The following PAWR variants were observed in gnomAD, a reference collection of about 807,000 sequenced individuals.
The protein encoded by PAWR is PRKC apoptosis WT1 regulator protein.
PAWR carries 23 observed loss-of-function variants against 32.0 expected under a neutral mutation model. That is an observed-to-expected ratio of 0.72 (90% CI 0.52 to 1.02). The LOEUF is 1.02. Ranked by LOEUF, PAWR falls within the 50% of genes least tolerant of loss-of-function variation. The pLI is 0.00. For synonymous variants in PAWR, 226 were observed against 187.1 expected, an observed-to-expected ratio of 1.21 and a Z score of -1.70; for missense variants, 457 against 437.7, an observed-to-expected ratio of 1.04 and a Z score of -0.39.
At chr12:79,644,187 AC>A (rs1156290258) in intron 2 of PAWR, among the ~76,000 whole-genome samples, 1 of 152,160 alleles carries the variant, frequency 6.6e-6, no homozygotes, top group African/African-American at 2.4e-5. Context: ...TTTTAAAAGG[AC>A]CCAAAGTTCT....
chr12:79,655,827 G>T (rs1480657257), intron 2 of PAWR, among the ~76,000 whole-genome samples: 3 of 152,170 alleles, frequency 2.0e-5, no homozygotes, highest in African/African-American at 4.8e-5. Context: ...AACTGTTTTA[G>T]ACAAAGTCAA....
chr12:79,601,477 G>A (rs1014291666), intron 4 of PAWR, among the ~76,000 whole-genome samples: 3 of 152,036 alleles, frequency 2.0e-5, no homozygotes, highest in Non-Finnish European at 4.4e-5. Context: ...AGTGCTTGGA[G>A]TAGAAGTCTG....
intron 2 of PAWR, among the ~76,000 whole-genome samples, chr12:79,650,893 G>C (rs1268409827): frequency 6.6e-6 from 1 of 152,054 alleles, no homozygotes; most frequent in African/African-American, 2.4e-5. Context: ...CCTTTATACT[G>C]CGTGCTTTCA....
chr12:79,604,219 T>G, intron 4 of PAWR: 7 of 981,154 alleles, frequency 7.1e-6, no homozygotes, highest in Non-Finnish European at 8.5e-6. Flanking sequence ...AACATAAATC[T>G]CTAATACGAT....
chr12:79,607,866 A>G (rs1216891869), intron 4 of PAWR, among the ~76,000 whole-genome samples: 1 of 152,072 alleles, frequency 6.6e-6, no homozygotes, highest in Non-Finnish European at 1.5e-5. Context: ...AACAATGATC[A>G]TGGTGAAACC....
intron 2 of PAWR, among the ~76,000 whole-genome samples, chr12:79,672,627 T>A (rs984166282): frequency 1.3e-5 from 2 of 151,876 alleles, no homozygotes; most frequent in African/African-American, 4.8e-5. Flanking sequence ...CCCTGTTTTA[T>A]CCTCTCCAAG....
intron 2 of PAWR, among the ~76,000 whole-genome samples, chr12:79,625,752 A>G (rs1875268374): frequency 1.3e-5 from 2 of 150,820 alleles, no homozygotes; most frequent in Admixed American, 6.6e-5. Context: ...CGCGGGAGGC[A>G]GAGCTTGCAG....
In PAWR at chr12:79,632,341, ATATATATATATATATATATAT is replaced by A. The variant is rs1566011046; in HGVS notation, c.517-11155_517-11135del. Among the ~76,000 whole-genome samples the A allele has an allele frequency of 1.1e-3, 64 of 57,004 alleles. 7 individuals carry two copies. In the African/African-American group the frequency reaches 0.022, roughly 19 times the overall value. 37.4% of individuals were successfully genotyped at this position (57,004 alleles called of 152,430 possible). A position where few individuals can be genotyped will look rare whatever the true frequency, so the allele number is the denominator to read the frequency against. On this transcript the variant is annotated intron_variant, in intron 2 of 6. Transcript: ENST00000328827. Reference sequence around the variant, plus strand: ...TATATATATATATATATATATATATATATATATATATATATATATATTTTTTTTTTTTTTTAGACAGGGTCT... The same window carrying A: ...TATATATATATATATATATATATATATTTTTTTTTTTTTTAGACAGGGTCT...
intron 3 of PAWR, among the ~76,000 whole-genome samples, chr12:79,617,346 C>T (rs910598616): frequency 3.9e-5 from 6 of 151,924 alleles, no homozygotes; most frequent in Non-Finnish European, 8.8e-5. Context: ...AGCAAGACTC[C>T]GTCTCAAAAA....
chr12:79,641,614 C>A (rs1035718372), intron 2 of PAWR, among the ~76,000 whole-genome samples: 1 of 151,752 alleles, frequency 6.6e-6, no homozygotes, highest in Non-Finnish European at 1.5e-5. Context: ...TATGGGAGGC[C>A]GAGGTGGGCG....
intron 2 of PAWR, among the ~76,000 whole-genome samples, chr12:79,643,220 G>A (rs1876414538): frequency 6.6e-6 from 1 of 152,104 alleles, no homozygotes. Flanking sequence ...AAAGAAGGTA[G>A]GGAGGAAGGA....
At position 79,591,351 on chromosome 12, in the gene PAWR, T is replaced by C. The variant is rs1266249876; in HGVS notation, c.*1256A>G. 1 of 152,202 alleles carries C rather than the reference T, an allele frequency of 6.6e-6. No homozygotes were observed. Among genetic ancestry groups the C allele is most frequent in the Non-Finnish European group, 1.5e-5 (1 of 68,032 alleles). 9.4% of individuals were successfully genotyped at this position (152,202 alleles called of 1,614,324 possible). On this transcript the variant is annotated 3_prime_UTR_variant, in exon 7 of 7. Coordinates refer to ENST00000328827, the MANE Select transcript of PAWR (RefSeq NM_002583.4). ...GAAAAAGTCAGTAGAGTACCTAAAA[T>C]GGATTTGACTATATTCAAGCCACTT...
At chr12:79,617,890 T>C (rs1263342258) in intron 3 of PAWR, among the ~76,000 whole-genome samples, 2 of 152,116 alleles carry the variant, frequency 1.3e-5, no homozygotes, top group East Asian at 3.9e-4. Flanking sequence ...CCCCGCTCTC[T>C]CTCTCGCTCC....
intron 2 of PAWR, among the ~76,000 whole-genome samples, chr12:79,665,831 A>C (rs1414738423): frequency 6.6e-6 from 1 of 152,210 alleles, no homozygotes; most frequent in Non-Finnish European, 1.5e-5. Context: ...ATAAAATCAA[A>C]CTGCAGCAAA....
chr12:79,689,592 G>A, intron 2 of PAWR, 137 bp downstream of exon 2: 1 of 949,862 alleles, frequency 1.1e-6, no homozygotes, highest in Non-Finnish European at 1.5e-6. Flanking sequence ...ATCACCCCCT[G>A]CCTGCCTAAC....
intron 2 of PAWR, among the ~76,000 whole-genome samples, chr12:79,684,467 C>T (rs528264182): frequency 2.6e-4 from 40 of 152,028 alleles, no homozygotes; most frequent in African/African-American, 8.7e-4. Flanking sequence ...AAAAATTAGC[C>T]AGGCATGGTG....
chr12:79,626,163 T>TAAAAAAAAAAAAAAA (rs565157190), intron 2 of PAWR, among the ~76,000 whole-genome samples: 13 of 82,132 alleles, frequency 1.6e-4, no homozygotes, highest in South Asian at 5.3e-4. Flanking sequence ...GACTCCATCT[T>TAAAAAAAAAAAAAAA]AAAAAAAAAA....
chr12:79,644,901 GTAGAATAC>G (rs1269982754), intron 2 of PAWR, among the ~76,000 whole-genome samples: 1 of 152,074 alleles, frequency 6.6e-6, no homozygotes, highest in African/African-American at 2.4e-5. Context: ...TAGGTAATCT[GTAGAATAC>G]TGATGAACCC....
At chr12:79,684,066 A>G (rs1033014425) in intron 2 of PAWR, among the ~76,000 whole-genome samples, 2 of 152,172 alleles carry the variant, frequency 1.3e-5, no homozygotes, top group Non-Finnish European at 2.9e-5. Flanking sequence ...GAAAATATAA[A>G]AGCACTTAAG....
Sources: gnomAD v4.1 joint callset for allele counts (sites outside exome capture counted in the v4.1 genomes callset) on GRCh38, gnomAD v4.1.1 for gene constraint, MANE v1.5 for transcripts, NCBI Gene and HGNC (gene_info 2026-07-23, HGNC 2026-07-21) for gene names.